Variants in CDC14B observed in about 807,000 individuals in gnomAD.
The protein encoded by CDC14B is dual specificity protein phosphatase CDC14B.
A neutral mutation model predicts 64.2 loss-of-function variants in CDC14B; 22 were observed. That is an observed-to-expected ratio of 0.34 (90% CI 0.24 to 0.49). The LOEUF (loss-of-function observed/expected upper bound fraction) is 0.49, where lower values mean the gene tolerates loss of function less well. Among genes scored for constraint, CDC14B ranks in the 20% least tolerant of loss-of-function variants. The pLI is 0.99. For missense variants in CDC14B, 498 were observed against 629.9 expected (o/e 0.79, Z 2.24); for synonymous variants, 191 against 215.8 (o/e 0.89, Z 1.01).
chr9:96,566,709 G>T, intron 1 of CDC14B: 3 of 1,529,318 alleles, frequency 2.0e-6, no homozygotes, highest in Admixed American at 1.8e-5. Flanking sequence ...AGCACTGCCC[G>T]CCCTGTCCCA....
chr9:96,516,604 T>G (rs1175791417), intron 12 of CDC14B, among the ~76,000 whole-genome samples: 3 of 151,872 alleles, frequency 2.0e-5, no homozygotes, highest in African/African-American at 7.3e-5. Flanking sequence ...TGCAGCCTCC[T>G]GAGTAGTTGG....
At chr9:96,548,192 G>C (rs1042502581) in intron 5 of CDC14B, among the ~76,000 whole-genome samples, 2 of 152,066 alleles carry the variant, frequency 1.3e-5, no homozygotes, top group Non-Finnish European at 1.5e-5. Flanking sequence ...GATGTCAGTA[G>C]CAGAGCTGAC....
intron 1 of CDC14B, among the ~76,000 whole-genome samples, chr9:96,593,054 A>T (rs1845875119): frequency 6.6e-6 from 1 of 152,202 alleles, no homozygotes; most frequent in South Asian, 2.1e-4. Context: ...AAAATGGTTC[A>T]TATGTGAAAT....
chr9:96,550,268 G>T (rs972748891), intron 5 of CDC14B, among the ~76,000 whole-genome samples: 3 of 152,208 alleles, frequency 2.0e-5, no homozygotes, highest in African/African-American at 7.2e-5. Flanking sequence ...TGAGCTAGCA[G>T]AAAGGGATGA....
chr9:96,527,851 G>A (rs925487676), intron 9 of CDC14B, among the ~76,000 whole-genome samples: 2 of 151,926 alleles, frequency 1.3e-5, no homozygotes, highest in Non-Finnish European at 1.5e-5. Context: ...TCCTGACCTC[G>A]TGATCCGCCC....
intron 1 of CDC14B, among the ~76,000 whole-genome samples, chr9:96,610,170 G>A (rs1847223185): frequency 6.6e-6 from 1 of 152,006 alleles, no homozygotes; most frequent in Admixed American, 6.6e-5. Context: ...GCATTTGAAA[G>A]TCAACGTGAA....
intron 1 of CDC14B, among the ~76,000 whole-genome samples, chr9:96,569,089 A>C (rs970121790): frequency 6.6e-6 from 1 of 152,232 alleles, no homozygotes; most frequent in African/African-American, 2.4e-5. Flanking sequence ...CAATGCCTTC[A>C]TAGTCGGTGT....
chr9:96,541,146 G>A (rs1261949900), intron 6 of CDC14B, among the ~76,000 whole-genome samples: 1 of 152,204 alleles, frequency 6.6e-6, no homozygotes, highest in Non-Finnish European at 1.5e-5. Flanking sequence ...TACCATTCTA[G>A]TTTCTCCTGC....
intron 4 of CDC14B, 122 bp downstream of exon 4, chr9:96,562,571 C>T: frequency 1.3e-6 from 1 of 742,814 alleles, no homozygotes; most frequent in Non-Finnish European, 2.3e-6. Flanking sequence ...TTTTTAAAAG[C>T]AAAACACGTT....
chr9:96,535,159 T>C (rs16911124), intron 7 of CDC14B, among the ~76,000 whole-genome samples: 7,263 of 152,152 alleles, frequency 0.048, 604 homozygotes, highest in African/African-American at 0.17. Context: ...ACTACAAAAT[T>C]AGCCAGGCAT....
intron 1 of CDC14B, among the ~76,000 whole-genome samples, chr9:96,616,440 T>C (rs1317223924): frequency 6.6e-6 from 1 of 151,472 alleles, no homozygotes; most frequent in African/African-American, 2.4e-5. Context: ...TAAAACTCAT[T>C]TGATAGGCTG....
Position 96,619,313 on chromosome 9 carries a change from C to T in CDC14B, c.66G>A (p.Ser22=), listed in dbSNP as rs1847836323. The T allele has an allele frequency of 1.5e-6, 2 of 1,305,760 alleles. No individual in the cohort carries two copies. Among genetic ancestry groups the T allele is most frequent in the South Asian group, 2.9e-5 (1 of 34,908 alleles). The allele number at this position is 1,305,760 out of a possible 1,614,324, so 80.9% of individuals were successfully genotyped here. ...AAAPPCSRRC[S]STSPGVKKIR... Reference sequence around the variant, plus strand: ...TCTTCTTCACACCCGGCGAGGTCGACGAGCAGCGCCGCGAGCAGGGGGGCG... The same window carrying T: ...TCTTCTTCACACCCGGCGAGGTCGATGAGCAGCGCCGCGAGCAGGGGGGCG... The change falls in exon 1 of 14, where the codon TCG becomes TCA. Residue 22 remains serine, a synonymous_variant. Coordinates refer to ENST00000375241, the MANE Select transcript of CDC14B (RefSeq NM_033331.4).
chr9:96,602,614 T>C (rs561356301), intron 1 of CDC14B, among the ~76,000 whole-genome samples: 1 of 152,068 alleles, frequency 6.6e-6, no homozygotes, highest in East Asian at 1.9e-4. Flanking sequence ...TTATTCACTA[T>C]CATGAGAACA....
downstream of CDC14B, among the ~76,000 whole-genome samples, chr9:96,496,514 G>GGCC (rs2131184945): frequency 6.6e-6 from 1 of 152,366 alleles, no homozygotes; most frequent in East Asian, 1.9e-4. Context: ...GGCCCAGAAC[G>GGCC]GCCGTCAGCC....
chr9:96,515,603 G>A lies in CDC14B; in HGVS notation c.1344-5814C>T. ...AACATGCATTGTGGGAACCACACTA[G>A]GCACCAGAAGTAAGCAACGGCAGAG... On this transcript the variant is annotated intron_variant, in intron 12 of 13. Transcript: ENST00000375241. This position sits in a 1 kb window ranked among gnomAD's most constrained non-coding sequence, Gnocchi z 4.3. The A allele has an allele frequency of 6.7e-7, 1 of 1,502,384 alleles. No individual in the cohort carries two copies. Among genetic ancestry groups the A allele is most frequent in the Non-Finnish European group, 8.9e-7 (1 of 1,122,560 alleles). 93.1% of individuals were successfully genotyped at this position (1,502,384 alleles called of 1,614,324 possible).
chr9:96,527,144 A>G (rs969917613), intron 9 of CDC14B, among the ~76,000 whole-genome samples: 1 of 151,952 alleles, frequency 6.6e-6, no homozygotes, highest in African/African-American at 2.4e-5. Context: ...GGTGGCTTAC[A>G]CCTGTAATCC....
chr9:96,520,566 T>C (rs118115385), intron 12 of CDC14B, among the ~76,000 whole-genome samples: 13 of 152,266 alleles, frequency 8.5e-5, no homozygotes, highest in Non-Finnish European at 1.6e-4. Context: ...TAAAGGAAAT[T>C]TCCTATTTAA....
chr9:96,583,697 G>A (rs1845299793), intron 1 of CDC14B, among the ~76,000 whole-genome samples: 1 of 150,934 alleles, frequency 6.6e-6, no homozygotes, highest in African/African-American at 2.4e-5. Context: ...GCCCTGGCCT[G>A]GTTGTGAGGA....
chr9:96,611,249 C>T (rs755716076), intron 1 of CDC14B, among the ~76,000 whole-genome samples: 9 of 152,156 alleles, frequency 5.9e-5, no homozygotes, highest in African/African-American at 2.2e-4. Flanking sequence ...CTAATATGGA[C>T]GTCAATTCTT....
Sources: gnomAD v4.1 joint callset for allele counts (sites outside exome capture counted in the v4.1 genomes callset) on GRCh38, gnomAD v4.1.1 for gene constraint, Gnocchi (gnomAD v3.1) non-coding constraint, MANE v1.5 for transcripts, NCBI Gene and HGNC (gene_info 2026-07-23, HGNC 2026-07-21) for gene names.